SCLT1: variants seen among roughly 807,000 people sequenced by gnomAD.
The protein encoded by SCLT1 is sodium channel-associated protein 1.
SCLT1 carries 78 observed loss-of-function variants against 112.8 expected under a neutral mutation model. The observed-to-expected ratio is 0.69, with a 90% CI of 0.58 to 0.83. The LOEUF is 0.83. Among genes scored for constraint, SCLT1 ranks in the 40% least tolerant of loss-of-function variants. The probability of loss-of-function intolerance (pLI) is 0.00; values close to 1 mark genes in which losing one functional copy is unlikely to be tolerated. For missense variants in SCLT1, 747 were observed against 770.4 expected (o/e 0.97, Z 0.36); for synonymous variants, 257 against 254.7 (o/e 1.01, Z -0.09).
At chr4:128,882,382 C>T (rs1201368728), downstream of SCLT1, among the ~76,000 whole-genome samples, 1 of 152,152 alleles carries the variant, frequency 6.6e-6, no homozygotes, top group Admixed American at 6.5e-5. Flanking sequence ...ATGATTTGGT[C>T]TCATCATCGC....
intron 18 of SCLT1, among the ~76,000 whole-genome samples, chr4:128,919,461 A>G (rs912660538): frequency 6.6e-6 from 1 of 152,136 alleles, no homozygotes; most frequent in African/African-American, 2.4e-5. Context: ...CGCCCTCAAA[A>G]AGTTAGAAAG....
intron 14 of SCLT1, 138 bp from the exon 15 acceptor site, chr4:128,948,708 C>G: frequency 1.6e-6 from 1 of 632,164 alleles, no homozygotes; most frequent in Non-Finnish European, 2.6e-6. Flanking sequence ...AAAAACAAAA[C>G]AAAACTCAAT....
intron 2 of SCLT1, among the ~76,000 whole-genome samples, chr4:129,058,382 T>G (rs965519598): frequency 6.6e-6 from 1 of 152,186 alleles, no homozygotes; most frequent in African/African-American, 2.4e-5. Flanking sequence ...CCTCTTTTGC[T>G]GTATCCCATT....
chr4:128,991,029 A>T (rs1046090521), intron 9 of SCLT1, among the ~76,000 whole-genome samples: 2 of 151,860 alleles, frequency 1.3e-5, no homozygotes, highest in African/African-American at 2.4e-5. Context: ...TCTATAGATT[A>T]AATGCAATCA....
In SCLT1 at chr4:128,888,830, T is replaced by C; in HGVS notation, c.1909-56A>G. 3 of 1,067,844 alleles carry C rather than the reference T, an allele frequency of 2.8e-6. No individual in the cohort carries two copies. Among genetic ancestry groups the C allele is most frequent in the Non-Finnish European group, 4.2e-6 (3 of 708,534 alleles). The allele number at this position is 1,067,844 out of a possible 1,614,324, so 66.1% of individuals were successfully genotyped here. The stretch of plus-strand genomic sequence containing the variant: ...AATCCATATGTGACATGGAGATGTT[T>C]TGTGGAATAATCAACGAAAAATCTG... On this transcript the variant is annotated intron_variant, in intron 19 of 20. Transcript: ENST00000281142.
intron 18 of SCLT1, among the ~76,000 whole-genome samples, chr4:128,916,954 G>A (rs1006876008): frequency 6.6e-6 from 1 of 152,018 alleles, no homozygotes; most frequent in African/African-American, 2.4e-5. Flanking sequence ...GTCACATTCT[G>A]GGCCACTACA....
rs1294424452 is a variant in SCLT1, at chr4:128,957,109, T to G, written c.1063A>C (p.Lys355Gln). 6.3e-7 allele frequency: 1 copy of G among 1,588,194 alleles called. No individual in the cohort carries two copies. Among genetic ancestry groups the G allele is most frequent in the South Asian group, 1.1e-5 (1 of 88,420 alleles). The change falls in exon 13 of 21, where the codon AAG becomes CAG. Residue 355 changes from lysine (K) to glutamine (Q), a missense_variant. Around this residue, in one of 2 missense-constraint regions of SCLT1, gnomAD observed 723 missense variants for 721.3 expected, o/e 1.00. Coordinates refer to ENST00000281142, the MANE Select transcript of SCLT1 (RefSeq NM_144643.4). ...LQKSQALLEE[K>Q]QKEEDIEKMK... is the part of the protein sequence containing the mutation. ...TTCTCTATGTCTTCTTCTTTTTGCTTCTCCTCAAGTAGAGCCTTCAGAAAA... is the reference window on the plus strand; with the variant it reads ...TTCTCTATGTCTTCTTCTTTTTGCTGCTCCTCAAGTAGAGCCTTCAGAAAA...
chr4:129,040,060 C>T (rs553407104), intron 4 of SCLT1: 125 of 633,266 alleles, frequency 2.0e-4, no homozygotes, highest in African/African-American at 1.3e-3. Context: ...AGTACACTTT[C>T]GCAAGGGCCA....
intron 1 of SCLT1, among the ~76,000 whole-genome samples, chr4:129,091,236 A>T (rs1209668953): frequency 6.6e-6 from 1 of 152,088 alleles, no homozygotes; most frequent in Non-Finnish European, 1.5e-5. Context: ...CTTCATGCAA[A>T]CGCTACCATT....
intron 18 of SCLT1, among the ~76,000 whole-genome samples, chr4:128,922,341 G>A (rs1264297343): frequency 6.6e-6 from 1 of 152,026 alleles, no homozygotes; most frequent in Non-Finnish European, 1.5e-5. Flanking sequence ...CTACAAAGAC[G>A]CATGCTTGTG....
chr4:128,937,621 G>A (rs1737324925), intron 17 of SCLT1, among the ~76,000 whole-genome samples: 1 of 152,068 alleles, frequency 6.6e-6, no homozygotes, highest in Non-Finnish European at 1.5e-5. Flanking sequence ...ATTATATACA[G>A]GAATTTCTTT....
intron 1 of SCLT1, among the ~76,000 whole-genome samples, chr4:129,091,109 T>C (rs1752788414): frequency 6.6e-6 from 1 of 152,154 alleles, no homozygotes; most frequent in Admixed American, 6.5e-5. Context: ...TATCTTTATC[T>C]GGGCTGGTAT....
chr4:129,075,296 T>C (rs1327555358), intron 2 of SCLT1, among the ~76,000 whole-genome samples: 1 of 152,158 alleles, frequency 6.6e-6, no homozygotes, highest in East Asian at 1.9e-4. Flanking sequence ...TTCCTGTACA[T>C]TTTAAAGGAC....
At chr4:129,028,304 G>A (rs1330996406) in intron 5 of SCLT1, among the ~76,000 whole-genome samples, 1 of 151,076 alleles carries the variant, frequency 6.6e-6, no homozygotes, top group Non-Finnish European at 1.5e-5. Flanking sequence ...AACCAAAACA[G>A]CATGGTACTG....
Position 128,999,720 on chromosome 4 carries a change from T to G in SCLT1, c.501A>C (p.Glu167Asp). 6.2e-7 allele frequency: 1 copy of G among 1,608,618 alleles called. No individual in the cohort carries two copies. Residue 167 changes from glutamate (E) to aspartate (D), a missense_variant, in exon 7 of 21, where the codon GAA becomes GAC. Physicochemically the swap from Glu to Asp is conservative, Grantham distance 45. This residue lies in a region of SCLT1 where 723 missense variants were observed against 721.3 expected (regional missense o/e 1.00). Transcript: ENST00000281142. The stretch of plus-strand genomic sequence containing the variant: ...CATGAATCTGGGCCTCAGTCATATG[T>G]TCCTGGTAAAGCTTGTGTAGTCTGT... ...ELDRLHKLYQ[E>D]HMTEAQIHVF...
chr4:129,081,621 C>T (rs138809226), intron 2 of SCLT1, among the ~76,000 whole-genome samples: 278 of 152,242 alleles, frequency 1.8e-3, no homozygotes, highest in Non-Finnish European at 3.1e-3. Context: ...CTCACTATCA[C>T]GAGAAGGGCA....
At chr4:128,947,646 T>C (rs997331150) in intron 15 of SCLT1, among the ~76,000 whole-genome samples, 2 of 152,176 alleles carry the variant, frequency 1.3e-5, no homozygotes, top group Non-Finnish European at 2.9e-5. Flanking sequence ...TCAATCAAAT[T>C]TGGCCTCCTT....
In SCLT1 at chr4:128,943,015, TGAGCC is replaced by T; in HGVS notation, c.1608_1612del (p.Ala537LysfsTer13). On this transcript the variant is annotated frameshift_variant, in exon 17 of 21. Transcript: ENST00000281142. LOFTEE classifies it high-confidence loss of function. Reference sequence around the variant, plus strand: ...AAATACCTTTACTTTGGCTTTTTTTTGAGCCTCCAGGGCAATCTTCCTTAAACTCT... The same window carrying T: ...AAATACCTTTACTTTGGCTTTTTTTTTCCAGGGCAATCTTCCTTAAACTCT... 6.2e-7 allele frequency: 1 copy of T among 1,605,538 alleles called. No individual in the cohort carries two copies. Among genetic ancestry groups the T allele is most frequent in the Admixed American group, 1.7e-5 (1 of 57,872 alleles).
rs7680667 is a variant in SCLT1 at position 129,009,797 on chromosome 4, A to G, written c.291-5921T>C. Among the ~76,000 whole-genome samples the G allele has an allele frequency of 5.0e-3, 762 of 152,158 alleles. 6 individuals are homozygous for G. Among genetic ancestry groups the G allele is most frequent in the African/African-American group, 0.017 (716 of 41,494 alleles). The stretch of plus-strand genomic sequence containing the variant: ...TCAAGTGCTTTGCCCATTTTTCAAT[A>G]AGGTTTGATTTTTATTGTAAATTTA... On this transcript the variant is annotated intron_variant, in intron 5 of 20. Transcript: ENST00000281142.
Sources: allele counts gnomAD v4.1 joint callset (sites outside exome capture counted in the v4.1 genomes callset), GRCh38; gene constraint gnomAD v4.1.1; regional missense constraint gnomAD v4.1.1; transcripts MANE v1.5; gene names NCBI Gene and HGNC (gene_info 2026-07-23, HGNC 2026-07-21).